Variants in FGD4 observed in about 807,000 individuals in gnomAD.
FGD4 encodes the protein FYVE, RhoGEF and PH domain containing 4.
Under a neutral mutation model 102.0 loss-of-function variants are expected in FGD4, and 42 were observed. The ratio of observed to expected loss-of-function variants is 0.41; its 90% CI spans 0.32 to 0.53. The LOEUF (loss-of-function observed/expected upper bound fraction) is 0.53, where lower values mean the gene tolerates loss of function less well. Among genes scored for constraint, FGD4 ranks in the 20% least tolerant of loss-of-function variants. The probability of loss-of-function intolerance (pLI) is 0.21; values close to 1 mark genes in which losing one functional copy is unlikely to be tolerated. For synonymous variants in FGD4, 380 were observed against 375.7 expected, an observed-to-expected ratio of 1.01 and a Z score of -0.13; for missense variants, 902 against 1,078.2, an observed-to-expected ratio of 0.84 and a Z score of 2.29.
chr12:32,568,617 T>C (rs1945381900), intron 2 of FGD4, among the ~76,000 whole-genome samples: 1 of 152,220 alleles, frequency 6.6e-6, no homozygotes, highest in African/African-American at 2.4e-5. Context: ...TCACATAATA[T>C]CTCAATCATT....
intron 15 of FGD4, among the ~76,000 whole-genome samples, chr12:32,636,118 C>A (rs1332022542): frequency 1.3e-5 from 2 of 151,952 alleles, no homozygotes; most frequent in African/African-American, 4.8e-5. Context: ...AGTTAGCGTT[C>A]CCTATCATCA....
chr12:32,577,725 T>A (rs534124098), intron 3 of FGD4, among the ~76,000 whole-genome samples: 4 of 152,350 alleles, frequency 2.6e-5, no homozygotes, highest in Admixed American at 2.6e-4. Context: ...TGATATTTAC[T>A]TAGAATGGTT....
intron 2 of FGD4, among the ~76,000 whole-genome samples, chr12:32,566,586 A>C (rs968386589): frequency 2.0e-4 from 30 of 152,162 alleles, no homozygotes; most frequent in African/African-American, 4.8e-5. Flanking sequence ...TGCGCCATGC[A>C]GGGACCAACG....
intron 1 of FGD4, among the ~76,000 whole-genome samples, chr12:32,433,980 C>G (rs2062602): frequency 0.48 from 72,905 of 151,772 alleles, 17,779 homozygotes; most frequent in African/African-American, 0.52. Flanking sequence ...CTCAGCCTCC[C>G]GAGTAGCTAG....
intron 1 of FGD4, among the ~76,000 whole-genome samples, chr12:32,538,603 C>T (rs1367875358): frequency 5.3e-5 from 8 of 152,126 alleles, no homozygotes. Context: ...AGATTGGAAT[C>T]TGTGGCTGAG....
intron 1 of FGD4, among the ~76,000 whole-genome samples, chr12:32,472,379 C>A (rs1185490488): frequency 2.0e-5 from 3 of 151,486 alleles, no homozygotes; most frequent in African/African-American, 7.3e-5. Context: ...GGGCCCCGCA[C>A]TCGGAGCAGC....
intron 10 of FGD4, among the ~76,000 whole-genome samples, chr12:32,612,583 A>T (rs1298403853): frequency 2.0e-5 from 3 of 152,194 alleles, no homozygotes; most frequent in Non-Finnish European, 4.4e-5. Flanking sequence ...ATACTTTCGG[A>T]AATCCTCCTT....
intron 1 of FGD4, among the ~76,000 whole-genome samples, chr12:32,424,385 C>A (rs1416620417): frequency 3.3e-5 from 5 of 152,130 alleles, no homozygotes; most frequent in African/African-American, 1.2e-4. Flanking sequence ...CATGTCCCTG[C>A]AAAGGACATG....
At chr12:32,511,591 C>T (rs1026368476) in intron 1 of FGD4, among the ~76,000 whole-genome samples, 4 of 151,972 alleles carry the variant, frequency 2.6e-5, no homozygotes, top group Non-Finnish European at 4.4e-5. Context: ...TGTGAGCCAC[C>T]GCGCCCGGCC....
chr12:32,513,938 A>G (rs956675985), intron 1 of FGD4, among the ~76,000 whole-genome samples: 2 of 152,260 alleles, frequency 1.3e-5, no homozygotes, highest in Admixed American at 6.5e-5. Context: ...AATCCAATAT[A>G]TTCATAGTCT....
intron 1 of FGD4, among the ~76,000 whole-genome samples, chr12:32,501,180 T>G (rs1465680756): frequency 6.6e-6 from 1 of 152,248 alleles, no homozygotes; most frequent in Non-Finnish European, 1.5e-5. Flanking sequence ...GCCTTCTGTG[T>G]AGCTGGGACT....
intron 1 of FGD4, among the ~76,000 whole-genome samples, chr12:32,414,271 C>G (rs1228715206): frequency 6.6e-6 from 1 of 151,982 alleles, no homozygotes; most frequent in Non-Finnish European, 1.5e-5. Context: ...CGCACCCAGC[C>G]TACTTCTTTT....
At position 32,640,561 on chromosome 12, in the gene FGD4, A is replaced by T; in HGVS notation, c.*28A>T. The stretch of plus-strand genomic sequence containing the variant: ...TCCTCCAGGACCAGCCATGGTGTGG[A>T]GGTCTCAGGACTTACAGCTCAAGAC... On this transcript the variant is annotated 3_prime_UTR_variant, in exon 17 of 17. Coordinates refer to ENST00000534526, the MANE Select transcript of FGD4 (RefSeq NM_001370298.3). 1 of 1,612,982 alleles carries T rather than the reference A, an allele frequency of 6.2e-7. No individual in the cohort carries two copies. Among genetic ancestry groups the T allele is most frequent in the Non-Finnish European group, 8.5e-7 (1 of 1,180,020 alleles).
At chr12:32,420,334 C>T (rs368064774) in intron 1 of FGD4, among the ~76,000 whole-genome samples, 2 of 152,246 alleles carry the variant, frequency 1.3e-5, no homozygotes, top group Admixed American at 6.5e-5. Context: ...AAGTTACTGC[C>T]CTAGGTGCAA....
intron 7 of FGD4, among the ~76,000 whole-genome samples, chr12:32,603,911 C>T (rs1354958197): frequency 6.6e-6 from 1 of 152,104 alleles, no homozygotes; most frequent in Non-Finnish European, 1.5e-5. Flanking sequence ...GCTATGTTGC[C>T]CAGGCTGGTC....
rs1951345430 is a variant in FGD4 at position 32,645,184 on chromosome 12, A to C, written c.*4651A>C. ...GGGAAGAAACTAGTCTGTGGGGACCATTATAAGAGAATCACATTATATATT... is the reference window on the plus strand; with the variant it reads ...GGGAAGAAACTAGTCTGTGGGGACCCTTATAAGAGAATCACATTATATATT... On this transcript the variant is annotated 3_prime_UTR_variant, in exon 17 of 17. Transcript: ENST00000534526. The C allele has an allele frequency of 1.3e-5, 2 of 152,144 alleles. No individual in the cohort carries two copies. Among genetic ancestry groups the C allele is most frequent in the African/African-American group, 4.8e-5 (2 of 41,452 alleles). The allele number at this position is 152,144 out of a possible 1,614,324, so 9.4% of individuals were successfully genotyped here. A position where few individuals can be genotyped will look rare whatever the true frequency, so the allele number is the denominator to read the frequency against.
chr12:32,624,838 GT>G (rs1950053385), intron 12 of FGD4, 137 bp from the exon 13 acceptor site: 3 of 753,620 alleles, frequency 4.0e-6, no homozygotes, highest in Non-Finnish European at 7.0e-6. Flanking sequence ...TGTTGTGTGT[GT>G]TTTAATATGT....
chr12:32,481,504 C>T (rs983996763), intron 1 of FGD4, among the ~76,000 whole-genome samples: 6 of 151,990 alleles, frequency 3.9e-5, no homozygotes, highest in Non-Finnish European at 8.8e-5. Flanking sequence ...AGACCTATGC[C>T]GTCCACTAGC....
At position 32,556,017 on chromosome 12, in the gene FGD4, C is replaced by T. The variant is rs1024948318; in HGVS notation, c.167-8120C>T. On this transcript the variant is annotated intron_variant, in intron 1 of 16. Transcript: ENST00000534526. ...CATGCCCAGCTAATTTTTTTTTTTA[C>T]TTTTTGTAGAGATAGTGTCTTGCTG... is the stretch of plus-strand genomic sequence containing the variant. Among the ~76,000 whole-genome samples the T allele has an allele frequency of 7.3e-5, 11 of 151,620 alleles. No individual in the cohort carries two copies. In the East Asian group the frequency reaches 1.9e-3, roughly 27 times the overall value.
Sources: gnomAD v4.1 joint callset for allele counts (sites outside exome capture counted in the v4.1 genomes callset) on GRCh38, gnomAD v4.1.1 for gene constraint, MANE v1.5 for transcripts, NCBI Gene and HGNC (gene_info 2026-07-23, HGNC 2026-07-21) for gene names.